PPP6R2: variants seen among roughly 807,000 people sequenced by gnomAD.
The protein encoded by PPP6R2 is protein phosphatase 6 regulatory subunit 2.
PPP6R2 carries 62 observed loss-of-function variants against 100.2 expected under a neutral mutation model. The observed-to-expected ratio is 0.62, with a 90% CI of 0.50 to 0.76. PPP6R2 has a LOEUF of 0.76. Ranked by LOEUF, PPP6R2 falls within the 30% of genes least tolerant of loss-of-function variation. The pLI, the probability that PPP6R2 is intolerant of heterozygous loss-of-function variation, is 0.00. For missense variants in PPP6R2, 1,142 were observed against 1,276.3 expected, an observed-to-expected ratio of 0.89 and a Z score of 1.60; for synonymous variants, 525 against 514.7, an observed-to-expected ratio of 1.02 and a Z score of -0.27.
At chr22:50,365,678 C>CAAA (rs1199182923) in intron 1 of PPP6R2, among the ~76,000 whole-genome samples, 1 of 78,700 alleles carries the variant, frequency 1.3e-5, no homozygotes, top group African/African-American at 4.7e-5. Flanking sequence ...GACTCTGTCT[C>CAAA]AAAAAAAAAA....
chr22:50,374,734 T>C (rs1261773090), intron 2 of PPP6R2, among the ~76,000 whole-genome samples: 10 of 151,692 alleles, frequency 6.6e-5, no homozygotes, highest in Admixed American at 6.6e-4. Context: ...GCTAATACGG[T>C]GAAACCCCGT....
chr22:50,434,281 C>T (rs1416562530), intron 12 of PPP6R2, among the ~76,000 whole-genome samples: 4 of 55,810 alleles, frequency 7.2e-5, no homozygotes, highest in Admixed American at 1.8e-4. Context: ...GGAGGAGGGC[C>T]GGGGGCATGG....
In PPP6R2 at chr22:50,435,088, C is replaced by A. The variant is rs2063922022; in HGVS notation, c.1516+7C>A. 2 of 1,524,744 alleles carry A rather than the reference C, an allele frequency of 1.3e-6. No homozygotes were observed. The highest frequency in any genetic ancestry group is 4.8e-5 in the East Asian group (2 of 41,710). 94.5% of individuals were successfully genotyped at this position (1,524,744 alleles called of 1,614,324 possible). A position where few individuals can be genotyped will look rare whatever the true frequency, so the allele number is the denominator to read the frequency against. On this transcript the variant is annotated splice_region_variant and intron_variant, in intron 13 of 23. Coordinates refer to ENST00000612753, the MANE Select transcript of PPP6R2 (RefSeq NM_001242898.2). ...ATCAGCGAGGTCATCCGAGGTGAGC[C>A]CCCAACCCGGTCATCCTTCTGCTGG...
intron 1 of PPP6R2, among the ~76,000 whole-genome samples, chr22:50,358,848 T>TA (rs1411632512): frequency 1.3e-5 from 2 of 152,096 alleles, no homozygotes; most frequent in African/African-American, 2.4e-5. Context: ...GAACCTTTGT[T>TA]ATAAATTAAT....
chr22:50,395,713 A>T (rs2056650009), intron 3 of PPP6R2, among the ~76,000 whole-genome samples: 2 of 151,992 alleles, frequency 1.3e-5, no homozygotes. Flanking sequence ...GGTGCGTGCC[A>T]CCATGCCCGG....
chr22:50,365,191 C>T lies in PPP6R2; in HGVS notation c.-147-6829C>T, dbSNP rs528937870. On this transcript the variant is annotated intron_variant, in intron 1 of 23. Coordinates refer to ENST00000612753, the MANE Select transcript of PPP6R2 (RefSeq NM_001242898.2). The stretch of plus-strand genomic sequence containing the variant: ...GGTTCAAGCAATTCTCCTGCCTCAG[C>T]GTCCCAAGTAGCTGGGATTACAGGC... 4.6e-5 allele frequency among the ~76,000 whole-genome samples: 7 copies of T among 151,592 alleles called. No homozygotes were observed. The East Asian group carries it at 7.9e-4, about 17-fold the overall frequency.
chr22:50,335,955 C>T, the PPP6R2 span, among the ~76,000 whole-genome samples: 16 of 149,034 alleles, frequency 1.1e-4, no homozygotes, highest in African/African-American at 3.0e-4. Context: ...AGATTACAGG[C>T]GTGAGCCACT....
chr22:50,403,872 G>T (rs142206203), intron 3 of PPP6R2, among the ~76,000 whole-genome samples: 2 of 152,224 alleles, frequency 1.3e-5, no homozygotes, highest in Non-Finnish European at 2.9e-5. Flanking sequence ...CACTTGGTCG[G>T]CTGCCAGGCC....
chr22:50,378,553 T>C (rs887830591), intron 2 of PPP6R2, among the ~76,000 whole-genome samples: 4 of 150,814 alleles, frequency 2.7e-5, no homozygotes, highest in Admixed American at 6.6e-5. Flanking sequence ...GCCATTGCAC[T>C]CCAGCCTGGG....
intron 1 of PPP6R2, among the ~76,000 whole-genome samples, chr22:50,361,093 ACTCTG>A (rs774022278): frequency 6.6e-5 from 10 of 152,108 alleles, no homozygotes; most frequent in East Asian, 1.9e-4. Context: ...AGCCTGTGGA[ACTCTG>A]CTCTGACCCT....
upstream of PPP6R2, among the ~76,000 whole-genome samples, chr22:50,339,370 C>G (rs1322221936): frequency 5.8e-5 from 2 of 34,612 alleles, no homozygotes; most frequent in Admixed American, 3.6e-4. Flanking sequence ...GTGTGTGTGG[C>G]TTGCGTGTGG....
At position 50,351,040 on chromosome 22, in the gene PPP6R2, T is replaced by TG. The variant is rs1569254850; in HGVS notation, c.-148+7490_-148+7491insG. Among the ~76,000 whole-genome samples the TG allele has an allele frequency of 6.3e-3, 694 of 110,878 alleles. 22 individuals carry two copies. The highest frequency in any genetic ancestry group is 0.023 in the African/African-American group (664 of 29,168). 72.7% of individuals were successfully genotyped at this position (110,878 alleles called of 152,430 possible). ...GTCTCAACAGTGTTTTTTTTTTTTTTTTTTTTTTTTTTTTTTTGAGACAGA... is the reference window on the plus strand; with the variant it reads ...GTCTCAACAGTGTTTTTTTTTTTTTTGTTTTTTTTTTTTTTTTTGAGACAGA... On this transcript the variant is annotated intron_variant, in intron 1 of 23. Transcript: ENST00000612753.
At chr22:50,336,439 C>T in the PPP6R2 span, among the ~76,000 whole-genome samples, 38 of 151,852 alleles carry the variant, frequency 2.5e-4, no homozygotes, top group African/African-American at 8.7e-4. Context: ...TGCGAAGGCG[C>T]GATCTCAGCT....
chr22:50,432,193 C>T, intron 11 of PPP6R2, 72 bp from the exon 12 acceptor site: 4 of 1,388,184 alleles, frequency 2.9e-6, no homozygotes, highest in Middle Eastern at 3.9e-4. Context: ...CCTGCCCAGT[C>T]CAGGGATGGG....
intron 1 of PPP6R2, among the ~76,000 whole-genome samples, chr22:50,354,868 CTTTT>C (rs762678639): frequency 5.5e-5 from 7 of 126,344 alleles, no homozygotes; most frequent in African/African-American, 1.2e-4. Context: ...CTGGATCAGC[CTTTT>C]TTTTTTTTTT....
Position 50,394,094 on chromosome 22 carries a change from A to G in PPP6R2, c.186A>G (p.Thr62=), listed in dbSNP as rs2056209546. 6.2e-7 allele frequency: 1 copy of G among 1,614,072 alleles called. No homozygotes were observed. The highest frequency in any genetic ancestry group is 1.3e-5 in the African/African-American group (1 of 74,940). Residue 62 remains threonine (T), a synonymous_variant, in exon 3 of 24, where the codon ACA becomes ACG. Coordinates refer to ENST00000612753, the MANE Select transcript of PPP6R2 (RefSeq NM_001242898.2). The part of the protein sequence containing the change: ...QCMEELVSLI[T]QDPPLDMEEK... ...TGGAGGAGCTGGTGAGCCTCATCAC[A>G]CAGGATCCGCCCCTGGACATGGAGG... is the stretch of plus-strand genomic sequence containing the variant.
chr22:50,375,020 A>C (rs1004890245), intron 2 of PPP6R2, among the ~76,000 whole-genome samples: 3 of 152,152 alleles, frequency 2.0e-5, no homozygotes, highest in Admixed American at 6.5e-5. Context: ...AAGTTAAAAG[A>C]TAGATTACCT....
intron 1 of PPP6R2, among the ~76,000 whole-genome samples, chr22:50,367,818 GAGAT>G (rs953042306): frequency 6.6e-6 from 1 of 152,148 alleles, no homozygotes; most frequent in Non-Finnish European, 1.5e-5. Context: ...ATAAAGCAAA[GAGAT>G]AGAAGAAAAG....
At chr22:50,422,405 G>T in intron 9 of PPP6R2, 25 bp downstream of exon 9, 3 of 1,612,730 alleles carry the variant, frequency 1.9e-6, no homozygotes, top group Non-Finnish European at 2.5e-6. Context: ...CGACTGCTGA[G>T]TGCCTTTGGA....
Sources: allele counts gnomAD v4.1 joint callset (sites outside exome capture counted in the v4.1 genomes callset), GRCh38; gene constraint gnomAD v4.1.1; transcripts MANE v1.5; gene names NCBI Gene and HGNC (gene_info 2026-07-23, HGNC 2026-07-21).